ADAMTS3: variants seen among roughly 807,000 people sequenced by gnomAD.
The protein encoded by ADAMTS3 is A disintegrin and metalloproteinase with thrombospondin motifs 3.
A neutral mutation model predicts 129.0 loss-of-function variants in ADAMTS3; 73 were observed. That is an observed-to-expected ratio of 0.57 (90% CI 0.47 to 0.69). ADAMTS3 has a LOEUF of 0.69. Ranked by LOEUF, ADAMTS3 falls within the 30% of genes least tolerant of loss-of-function variation. The probability of loss-of-function intolerance (pLI) is 0.00; values close to 1 mark genes in which losing one functional copy is unlikely to be tolerated. For synonymous variants in ADAMTS3, 477 were observed against 510.8 expected (o/e 0.93, Z 0.89); for missense variants, 1,457 against 1,514.5 (o/e 0.96, Z 0.63).
In ADAMTS3 at chr4:72,312,296, G is replaced by A; in HGVS notation, c.1916C>T (p.Pro639Leu). The change falls in exon 13 of 22, where the codon CCT (proline) becomes CTT (leucine). Residue 639 changes from proline to leucine, a missense_variant. Transcript: ENST00000286657. ...TKHHWLPYEHPDPKKRCHLYC... is the reference protein window; with the variant it reads ...TKHHWLPYEHLDPKKRCHLYC... ...GAGAGCACGAGGCTACTCACGGTCAGGATGTTCATATGGCAACCAGTGGTG... is the reference window on the plus strand; with the variant it reads ...GAGAGCACGAGGCTACTCACGGTCAAGATGTTCATATGGCAACCAGTGGTG... 11 of 1,613,526 alleles carry A rather than the reference G, an allele frequency of 6.8e-6. No homozygotes were observed. The highest frequency in any genetic ancestry group is 9.3e-6 in the Non-Finnish European group (11 of 1,179,626).
At position 72,498,154 on chromosome 4, in the gene ADAMTS3, G is replaced by A. The variant is rs115435486; in HGVS notation, c.504+50324C>T. On this transcript the variant is annotated intron_variant, in intron 3 of 21. Transcript: ENST00000286657. ...TAAAATGTGTCCTTTGTCTTAGAGAGCGAACACTATATATTGAGGCTGGCA... is the reference window on the plus strand; with the variant it reads ...TAAAATGTGTCCTTTGTCTTAGAGAACGAACACTATATATTGAGGCTGGCA... 3.6e-3 allele frequency among the ~76,000 whole-genome samples: 549 copies of A among 152,134 alleles called. 3 individuals are homozygous for A. Among genetic ancestry groups the A allele is most frequent in the African/African-American group, 0.013 (532 of 41,540 alleles).
intron 3 of ADAMTS3, among the ~76,000 whole-genome samples, chr4:72,512,856 T>C (rs1010986155): frequency 6.6e-6 from 1 of 152,222 alleles, no homozygotes; most frequent in African/African-American, 2.4e-5. Context: ...CACTTCTTTT[T>C]GTCTCTTCTG....
At chr4:72,549,962 A>AG (rs1553922656) in intron 2 of ADAMTS3, among the ~76,000 whole-genome samples, 33 of 30,888 alleles carry the variant, frequency 1.1e-3, no homozygotes, top group East Asian at 5.2e-3. Flanking sequence ...AAAAAAAAAA[A>AG]AAGAAGAAGA....
chr4:72,360,832 G>A (rs537518955), intron 4 of ADAMTS3, among the ~76,000 whole-genome samples: 1 of 151,986 alleles, frequency 6.6e-6, no homozygotes, highest in Non-Finnish European at 1.5e-5. Flanking sequence ...AAACATGCAT[G>A]TTCTATATTT....
intron 3 of ADAMTS3, among the ~76,000 whole-genome samples, chr4:72,483,038 T>G (rs1719481102): frequency 6.6e-6 from 1 of 152,172 alleles, no homozygotes; most frequent in Non-Finnish European, 1.5e-5. Flanking sequence ...AACTTACAGC[T>G]AACGTCCTAT....
At chr4:72,345,003 C>T (rs1477295665) in intron 4 of ADAMTS3, among the ~76,000 whole-genome samples, 1 of 152,098 alleles carries the variant, frequency 6.6e-6, no homozygotes, top group Non-Finnish European at 1.5e-5. Flanking sequence ...ATTTTGTTGA[C>T]TAGGTTCTCC....
intron 3 of ADAMTS3, among the ~76,000 whole-genome samples, chr4:72,524,723 T>C (rs1720765540): frequency 6.6e-6 from 1 of 152,122 alleles, no homozygotes; most frequent in African/African-American, 2.4e-5. Context: ...ATTGTTAGTT[T>C]AGTATGTATT....
chr4:72,477,264 A>G (rs1455570460), intron 3 of ADAMTS3, among the ~76,000 whole-genome samples: 1 of 152,036 alleles, frequency 6.6e-6, no homozygotes, highest in African/African-American at 2.4e-5. Flanking sequence ...CACCACACCT[A>G]CTCCAAAACT....
intron 3 of ADAMTS3, among the ~76,000 whole-genome samples, chr4:72,539,506 A>AAAC (rs1553921849): frequency 1.3e-5 from 2 of 151,600 alleles, no homozygotes; most frequent in Admixed American, 6.6e-5. Context: ...AAAAAAAAAA[A>AAAC]AAAAAAACAG....
At chr4:72,517,930 G>C (rs1206480677) in intron 3 of ADAMTS3, among the ~76,000 whole-genome samples, 1 of 150,402 alleles carries the variant, frequency 6.6e-6, no homozygotes, top group Non-Finnish European at 1.5e-5. Flanking sequence ...TGTGATGTTA[G>C]GGTGTCAATT....
At chr4:72,473,576 C>T (rs1322673805) in intron 3 of ADAMTS3, among the ~76,000 whole-genome samples, 1 of 151,758 alleles carries the variant, frequency 6.6e-6, no homozygotes, top group African/African-American at 2.4e-5. Flanking sequence ...AAACACGGTC[C>T]TACTACATTC....
intron 5 of ADAMTS3, among the ~76,000 whole-genome samples, chr4:72,324,495 G>C (rs992663092): frequency 6.6e-6 from 1 of 152,102 alleles, no homozygotes. Context: ...AGATAACAAA[G>C]TATAACTTGA....
chr4:72,384,011 A>G (rs1318187186), intron 4 of ADAMTS3, among the ~76,000 whole-genome samples: 2 of 150,838 alleles, frequency 1.3e-5, no homozygotes. Flanking sequence ...TAATAATACA[A>G]TAAATATATA....
intron 5 of ADAMTS3, among the ~76,000 whole-genome samples, chr4:72,323,751 G>C (rs1019751497): frequency 2.0e-5 from 3 of 152,144 alleles, no homozygotes; most frequent in Non-Finnish European, 4.4e-5. Flanking sequence ...TTGAGTCACT[G>C]CTTTTTATTT....
intron 3 of ADAMTS3, among the ~76,000 whole-genome samples, chr4:72,516,800 C>G (rs1234557406): frequency 6.6e-6 from 1 of 152,032 alleles, no homozygotes; most frequent in African/African-American, 2.4e-5. Context: ...AATTTGACTT[C>G]CTCTTTTCCT....
chr4:72,283,243 C>T lies in ADAMTS3; in HGVS notation c.3511G>A (p.Ala1171Thr), dbSNP rs1370397547. 1 of 1,613,968 alleles carries T rather than the reference C, an allele frequency of 6.2e-7. No homozygotes were observed. The highest frequency in any genetic ancestry group is 8.5e-7 in the Non-Finnish European group (1 of 1,179,952). The change falls in exon 22 of 22, where the codon GCA (alanine) becomes ACA (threonine). Residue 1171 changes from alanine (A) to threonine (T), a missense_variant. Physicochemically the swap from Ala to Thr is moderately conservative, Grantham distance 58 (BLOSUM62 0). Coordinates refer to ENST00000286657, the MANE Select transcript of ADAMTS3 (RefSeq NM_014243.3). ...GAAGCACCTATTGAATCACTGGCTG[C>T]AAAGAAGGAAGCAGCAGCCATTTGT... ...ASQMAAASFF[A>T]ASDSIGASSQ... is the part of the protein sequence containing the mutation.
In ADAMTS3 at chr4:72,372,689, A is replaced by T. The variant is rs531061644; in HGVS notation, c.662-32996T>A. 1.4e-3 allele frequency among the ~76,000 whole-genome samples: 218 copies of T among 152,140 alleles called. 2 individuals are homozygous for T. The South Asian group carries it at 0.015, about 10-fold the overall frequency. On this transcript the variant is annotated intron_variant, in intron 4 of 21. Coordinates refer to ENST00000286657, the MANE Select transcript of ADAMTS3 (RefSeq NM_014243.3). ...TTATATGCTAGATATAGAATTTTTT[A>T]AAAAAATATAATTCACAGTAATACC...
chr4:72,436,790 G>C (rs902119297), intron 3 of ADAMTS3, among the ~76,000 whole-genome samples: 9 of 151,844 alleles, frequency 5.9e-5, no homozygotes, highest in Non-Finnish European at 1.3e-4. Context: ...CTCACTCATA[G>C]GTGGGAATTG....
At position 72,309,953 on chromosome 4, in the gene ADAMTS3, G is replaced by A. The variant is rs971273605; in HGVS notation, c.2056-433C>T. The stretch of plus-strand genomic sequence containing the variant: ...ATGATGTGAGACAAAACTTCACCAG[G>A]GTGGTGAAGATTTTCACAGGGGCCA... On this transcript the variant is annotated intron_variant, in intron 14 of 21. Transcript: ENST00000286657. 2.0e-5 allele frequency among the ~76,000 whole-genome samples: 3 copies of A among 151,942 alleles called. No individual in the cohort carries two copies. In the South Asian group the frequency reaches 6.2e-4, roughly 32 times the overall value.
Sources: gnomAD v4.1 joint callset for allele counts (sites outside exome capture counted in the v4.1 genomes callset) on GRCh38, gnomAD v4.1.1 for gene constraint, MANE v1.5 for transcripts, NCBI Gene and HGNC (gene_info 2026-07-23, HGNC 2026-07-21) for gene names.